The following FNDC3B variants were observed in gnomAD, a reference collection of about 807,000 sequenced individuals.
FNDC3B encodes fibronectin type III domain containing 3B.
Under a neutral mutation model 151.5 loss-of-function variants are expected in FNDC3B, and 12 were observed. The observed-to-expected ratio is 0.08, with a 90% confidence interval of 0.05 to 0.13. The LOEUF is 0.13. Among genes scored for constraint, FNDC3B ranks in the 10% least tolerant of loss-of-function variants. The probability of loss-of-function intolerance (pLI) is 1.00; values close to 1 mark genes in which losing one functional copy is unlikely to be tolerated. For missense variants in FNDC3B, 1,214 were observed against 1,505.3 expected, an observed-to-expected ratio of 0.81 and a Z score of 3.20; for synonymous variants, 528 against 549.0, an observed-to-expected ratio of 0.96 and a Z score of 0.54.
chr3:172,196,572 A>G (rs940602569), intron 3 of FNDC3B, among the ~76,000 whole-genome samples: 3 of 152,108 alleles, frequency 2.0e-5, no homozygotes, highest in African/African-American at 7.2e-5. Flanking sequence ...CTGGGACATC[A>G]GTTTTCTCAT....
chr3:172,039,908 C>T (rs1350607497), intron 1 of FNDC3B, 137 bp downstream of exon 1: 1 of 152,234 alleles, frequency 6.6e-6, no homozygotes, highest in African/African-American at 2.4e-5. Flanking sequence ...CCCTGGGCTT[C>T]CCGGCAAAAA....
chr3:172,383,588 T>C (rs548661218), intron 25 of FNDC3B, among the ~76,000 whole-genome samples: 99 of 152,198 alleles, frequency 6.5e-4, no homozygotes, highest in Non-Finnish European at 8.5e-4. Flanking sequence ...AAAATGCAGA[T>C]TCTGACCTGG....
intron 11 of FNDC3B, among the ~76,000 whole-genome samples, chr3:172,326,638 C>T (rs1732358765): frequency 6.6e-6 from 1 of 152,140 alleles, no homozygotes; most frequent in African/African-American, 2.4e-5. Flanking sequence ...AGGAAGATGT[C>T]TTGAAGGTCA....
chr3:172,089,502 G>T (rs1048720796), intron 1 of FNDC3B, among the ~76,000 whole-genome samples: 1 of 152,152 alleles, frequency 6.6e-6, no homozygotes, highest in East Asian at 1.9e-4. Flanking sequence ...GAAGGTAGGG[G>T]ACGGCACAAC....
At chr3:172,335,951 G>A (rs1333005727) in intron 15 of FNDC3B, 3 of 151,938 alleles carry the variant, frequency 2.0e-5, no homozygotes, top group Admixed American at 2.0e-4. Context: ...TAGGATTTCT[G>A]TTTCCCCAAG....
chr3:172,234,365 A>G (rs1332745460), intron 4 of FNDC3B, among the ~76,000 whole-genome samples: 1 of 152,182 alleles, frequency 6.6e-6, no homozygotes, highest in Non-Finnish European at 1.5e-5. Flanking sequence ...TAGTTCCTTG[A>G]AAGGTACCCA....
chr3:172,236,518 C>A (rs747957913), intron 4 of FNDC3B, among the ~76,000 whole-genome samples: 7 of 152,172 alleles, frequency 4.6e-5, no homozygotes, highest in Non-Finnish European at 7.4e-5. Context: ...GTTGTCACTT[C>A]GATTCTTATA....
chr3:172,373,510 T>G (rs894717130), intron 23 of FNDC3B, among the ~76,000 whole-genome samples: 5 of 152,216 alleles, frequency 3.3e-5, no homozygotes, highest in Non-Finnish European at 7.3e-5. Flanking sequence ...TTATCTGCAT[T>G]TAAAATGTGT....
At chr3:172,320,901 T>C (rs1198799242) in intron 11 of FNDC3B, among the ~76,000 whole-genome samples, 1 of 152,240 alleles carries the variant, frequency 6.6e-6, no homozygotes. Flanking sequence ...AAAAATTAAC[T>C]TGAAAAAGTT....
intron 12 of FNDC3B, chr3:172,329,699 ATCT>A (rs1560081486): frequency 6.6e-6 from 1 of 152,170 alleles, no homozygotes; most frequent in African/African-American, 2.4e-5. Context: ...GCTTGTTGAA[ATCT>A]TCTTAAAGGT....
At chr3:172,214,358 A>G (rs953557927) in intron 3 of FNDC3B, among the ~76,000 whole-genome samples, 2 of 152,224 alleles carry the variant, frequency 1.3e-5, no homozygotes, top group African/African-American at 4.8e-5. Flanking sequence ...CTCACAGCCC[A>G]TTATTAGGTC....
chr3:172,263,338 T>G (rs1728749305), intron 6 of FNDC3B, among the ~76,000 whole-genome samples: 1 of 152,088 alleles, frequency 6.6e-6, no homozygotes, highest in Non-Finnish European at 1.5e-5. Context: ...GTACGATCTT[T>G]CAAACCAGGA....
chr3:172,240,221 TCCTTGAGTGTATTA>T (rs1321625149), intron 4 of FNDC3B, among the ~76,000 whole-genome samples: 1 of 152,222 alleles, frequency 6.6e-6, no homozygotes, highest in Non-Finnish European at 1.5e-5. Context: ...CAGTTCCGTG[TCCTTGAGTGTATTA>T]CCTTCACTTC....
intron 3 of FNDC3B, among the ~76,000 whole-genome samples, chr3:172,159,393 A>T (rs1332346455): frequency 2.0e-5 from 3 of 152,160 alleles, no homozygotes; most frequent in Non-Finnish European, 4.4e-5. Context: ...CATTGTCTTG[A>T]TTACTGTAGC....
intron 23 of FNDC3B, among the ~76,000 whole-genome samples, chr3:172,371,364 A>C (rs1262603374): frequency 6.6e-6 from 1 of 152,192 alleles, no homozygotes; most frequent in African/African-American, 2.4e-5. Flanking sequence ...TTCTATCTGC[A>C]GTTGGTTGAT....
rs1003532813 is a variant in FNDC3B at position 172,040,981 on chromosome 3, G to T, written c.-29+1210G>T. 2.0e-5 allele frequency among the ~76,000 whole-genome samples: 3 copies of T among 152,234 alleles called. No homozygotes were observed. Among genetic ancestry groups the T allele is most frequent in the Non-Finnish European group, 4.4e-5 (3 of 68,042 alleles). On this transcript the variant is annotated intron_variant, in intron 1 of 25. Transcript: ENST00000415807. The surrounding 1 kb of genome is among the most constrained non-coding windows in gnomAD (Gnocchi z 6.6). The stretch of plus-strand genomic sequence containing the variant: ...CAGCTCCCACCCTGCCATCCCAGAC[G>T]AAGGGAAGCAATGGCATTTTATCCA...
In FNDC3B at chr3:172,397,410, G is replaced by C. The variant is rs770533911; in HGVS notation, c.3550G>C (p.Val1184Leu). The C allele has an allele frequency of 1.9e-6, 3 of 1,613,930 alleles. No individual in the cohort carries two copies. The Admixed American group carries it at 5.0e-5, about 27-fold the overall frequency. Residue 1184 changes from valine (V) to leucine (L), a missense_variant, in exon 26 of 26, where the codon GTG becomes CTG. This residue lies in a region of FNDC3B where 284 missense variants were observed against 392.4 expected (regional missense o/e 0.72). Transcript: ENST00000415807. ...TGATGAACAGTTTGCAGCCATCATT[G>C]TGCTTGGCTTTGCAACTTTGTCCAT... ...PTDEQFAAII[V>L]LGFATLSILF... is the part of the protein sequence containing the mutation.
chr3:172,177,454 C>T (rs1421975192), intron 3 of FNDC3B, among the ~76,000 whole-genome samples: 3 of 152,098 alleles, frequency 2.0e-5, no homozygotes, highest in African/African-American at 4.8e-5. Context: ...AATGTGGTAG[C>T]TCAATCAGAG....
At chr3:172,070,381 G>C (rs1261409845) in intron 1 of FNDC3B, among the ~76,000 whole-genome samples, 1 of 152,164 alleles carries the variant, frequency 6.6e-6, no homozygotes, top group African/African-American at 2.4e-5. Flanking sequence ...TATTTCCGGA[G>C]TGTGTTAGCC....
Sources: allele counts gnomAD v4.1 joint callset (sites outside exome capture counted in the v4.1 genomes callset), GRCh38; gene constraint gnomAD v4.1.1; regional missense constraint gnomAD v4.1.1; non-coding constraint Gnocchi (gnomAD v3.1); transcripts MANE v1.5; gene names NCBI Gene and HGNC (gene_info 2026-07-23, HGNC 2026-07-21).